Variants in TRAPPC9 observed in about 807,000 individuals in gnomAD.
TRAPPC9 encodes the protein IKK2 binding protein.
Under a neutral mutation model 124.0 loss-of-function variants are expected in TRAPPC9, and 83 were observed. That is an observed-to-expected ratio of 0.67 (90% CI 0.56 to 0.80). TRAPPC9 has a LOEUF of 0.80. Ranked by LOEUF, TRAPPC9 falls within the 30% of genes least tolerant of loss-of-function variation. TRAPPC9 has a pLI of 0.00. For missense variants in TRAPPC9, 1,302 were observed against 1,508.3 expected (o/e 0.86, Z 2.27); for synonymous variants, 638 against 617.5 (o/e 1.03, Z -0.49).
At chr8:139,918,383 C>T (rs1271037050) in intron 19 of TRAPPC9, among the ~76,000 whole-genome samples, 1 of 152,246 alleles carries the variant, frequency 6.6e-6, no homozygotes, top group Non-Finnish European at 1.5e-5. Context: ...CGACCCTGCA[C>T]TGGGAAAGCC....
intron 21 of TRAPPC9, among the ~76,000 whole-genome samples, chr8:139,840,202 CTG>C (rs1417120352): frequency 1.3e-5 from 2 of 152,212 alleles, no homozygotes; most frequent in African/African-American, 4.8e-5. Context: ...TGCTGTGACA[CTG>C]TGGCTGCGGC....
At chr8:140,066,611 T>C (rs1842907036) in intron 17 of TRAPPC9, among the ~76,000 whole-genome samples, 1 of 152,206 alleles carries the variant, frequency 6.6e-6, no homozygotes, top group African/African-American at 2.4e-5. Context: ...AATTTGTAAA[T>C]ACGTCAATGT....
chr8:140,091,113 C>T (rs1230496332), intron 17 of TRAPPC9, among the ~76,000 whole-genome samples: 1 of 152,186 alleles, frequency 6.6e-6, no homozygotes, highest in Non-Finnish European at 1.5e-5. Flanking sequence ...CACATCCCTT[C>T]TTAATGAAAG....
At chr8:140,414,113 T>A (rs2069813480) in intron 5 of TRAPPC9, among the ~76,000 whole-genome samples, 2 of 151,916 alleles carry the variant, frequency 1.3e-5, no homozygotes, top group African/African-American at 2.4e-5. Context: ...AGATACATCA[T>A]CAAAAGAATT....
intron 18 of TRAPPC9, among the ~76,000 whole-genome samples, chr8:140,001,761 A>C (rs147323123): frequency 4.9e-4 from 75 of 152,358 alleles, no homozygotes; most frequent in Middle Eastern, 3.4e-3. Flanking sequence ...CCAAGAAAGC[A>C]CTTATCCACT....
At chr8:139,819,112 G>C (rs1825071275) in intron 21 of TRAPPC9, among the ~76,000 whole-genome samples, 1 of 152,292 alleles carries the variant, frequency 6.6e-6, no homozygotes, top group Non-Finnish European at 1.5e-5. Flanking sequence ...TCTACCTCCT[G>C]TCAGATCAGC....
rs988533499 is a variant in TRAPPC9, at chr8:140,096,571, G to C, written c.2557-72492C>G. ...GAGAAACCAGAATTCTTGAGGAATA[G>C]GTATGAAGTTGAACAGAATGGTAAA... is the stretch of plus-strand genomic sequence containing the variant. On this transcript the variant is annotated intron_variant, in intron 17 of 22. Transcript: ENST00000438773. 6.6e-5 allele frequency: 10 copies of C among 152,318 alleles called. 1 individual carries two copies. In the South Asian group the frequency reaches 1.5e-3, roughly 22 times the overall value. 9.4% of individuals were successfully genotyped at this position (152,318 alleles called of 1,614,324 possible).
At chr8:140,235,004 C>A (rs1329401399) in intron 16 of TRAPPC9, among the ~76,000 whole-genome samples, 1 of 152,108 alleles carries the variant, frequency 6.6e-6, no homozygotes, top group Non-Finnish European at 1.5e-5. Context: ...GAGTTTCACT[C>A]TTGTTGCCCA....
chr8:139,812,628 C>T (rs1824522399), intron 21 of TRAPPC9, among the ~76,000 whole-genome samples: 3 of 152,056 alleles, frequency 2.0e-5, no homozygotes, highest in African/African-American at 4.8e-5. Flanking sequence ...AATAAAAAAC[C>T]TTTACAGAAA....
chr8:140,097,202 C>T lies in TRAPPC9; in HGVS notation c.2557-73123G>A, dbSNP rs564294330. ...AGCAAAGACACCTGCCCTGGTCCTC[C>T]GTGCAGCTGGCACGGAGTCACAGTC... is the stretch of plus-strand genomic sequence containing the variant. On this transcript the variant is annotated intron_variant, in intron 17 of 22. Coordinates refer to ENST00000438773, the MANE Select transcript of TRAPPC9 (RefSeq NM_001160372.4). The surrounding 1 kb of genome is among the most constrained non-coding windows in gnomAD (Gnocchi z 4.2). The T allele has an allele frequency of 2.6e-5, 4 of 152,418 alleles. No individual in the cohort carries two copies. The highest frequency in any genetic ancestry group is 2.0e-4 in the Admixed American group (3 of 15,310). 9.4% of individuals were successfully genotyped at this position (152,418 alleles called of 1,614,324 possible).
At chr8:140,174,405 G>A (rs1257522897) in intron 17 of TRAPPC9, among the ~76,000 whole-genome samples, 1 of 151,958 alleles carries the variant, frequency 6.6e-6, no homozygotes, top group African/African-American at 2.4e-5. Flanking sequence ...AATAAATTGA[G>A]GTATAATTCA....
intron 5 of TRAPPC9, among the ~76,000 whole-genome samples, chr8:140,418,184 C>T (rs139757947): frequency 4.6e-5 from 7 of 152,010 alleles, no homozygotes; most frequent in Non-Finnish European, 8.8e-5. Flanking sequence ...ACATTCTGCA[C>T]GTGTATCCCA....
In TRAPPC9 at chr8:140,421,268, C is replaced by T. The variant is rs552378070; in HGVS notation, c.886+5347G>A. ...AACACACATATATATAAAGTCTACCCCCATGCTGCATATAAATGTTAGCTT... is the reference window on the plus strand; with the variant it reads ...AACACACATATATATAAAGTCTACCTCCATGCTGCATATAAATGTTAGCTT... On this transcript the variant is annotated intron_variant, in intron 5 of 22. Transcript: ENST00000438773. Among the ~76,000 whole-genome samples the T allele has an allele frequency of 5.3e-5, 8 of 152,254 alleles. No individual in the cohort carries two copies. In the South Asian group the frequency reaches 1.7e-3, roughly 32 times the overall value.
intron 19 of TRAPPC9, among the ~76,000 whole-genome samples, chr8:139,971,578 C>A (rs1267751498): frequency 2.0e-5 from 3 of 152,058 alleles, no homozygotes; most frequent in Non-Finnish European, 4.4e-5. Flanking sequence ...GGTGCTCTAT[C>A]CCCTCGAGCC....
At chr8:140,024,414 T>C (rs1163288798) in intron 17 of TRAPPC9, among the ~76,000 whole-genome samples, 2 of 151,806 alleles carry the variant, frequency 1.3e-5, no homozygotes, top group Non-Finnish European at 2.9e-5. Context: ...TTTTTTTTTT[T>C]TGGAGATGGA....
At chr8:140,017,417 G>T (rs1431420701) in intron 18 of TRAPPC9, among the ~76,000 whole-genome samples, 1 of 152,214 alleles carries the variant, frequency 6.6e-6, no homozygotes, top group Non-Finnish European at 1.5e-5. Flanking sequence ...ATGTATGGGT[G>T]AAGGGTTGTT....
chr8:140,328,370 T>C (rs1474688326), intron 9 of TRAPPC9, among the ~76,000 whole-genome samples: 1 of 152,264 alleles, frequency 6.6e-6, no homozygotes, highest in South Asian at 2.1e-4. Flanking sequence ...AATACGTACA[T>C]GATCAATCGT....
intron 9 of TRAPPC9, among the ~76,000 whole-genome samples, chr8:140,336,059 T>C (rs1018809687): frequency 1.3e-5 from 2 of 152,162 alleles, no homozygotes; most frequent in Non-Finnish European, 2.9e-5. Flanking sequence ...TAATTCCTTA[T>C]TTTTAAGAAC....
chr8:140,397,730 C>T lies in TRAPPC9; in HGVS notation c.1024G>A (p.Val342Met). 1.2e-6 allele frequency: 2 copies of T among 1,614,178 alleles called. No homozygotes were observed. The highest frequency in any genetic ancestry group is 1.7e-5 in the Admixed American group (1 of 60,028). The stretch of plus-strand genomic sequence containing the variant: ...TTGATGCACGCTTCCAACTCAATCA[C>T]TCCCGCATTCTTATACTGCAGGGTG... The part of the protein sequence containing the change: ...SYYSKYKNAG[V>M]IELEACIKAV... The change falls in exon 7 of 23, where the codon GTG becomes ATG. Residue 342 changes from valine to methionine, a missense_variant. By Grantham distance (21) the Val-to-Met change is conservative (BLOSUM62 1). This residue lies in a region of TRAPPC9 where 657 missense variants were observed against 811.2 expected (regional missense o/e 0.81). Coordinates refer to ENST00000438773, the MANE Select transcript of TRAPPC9 (RefSeq NM_001160372.4).
Sources: gnomAD v4.1 joint callset for allele counts (sites outside exome capture counted in the v4.1 genomes callset) on GRCh38, gnomAD v4.1.1 for gene constraint, gnomAD v4.1.1 regional missense constraint, Gnocchi (gnomAD v3.1) non-coding constraint, MANE v1.5 for transcripts, NCBI Gene and HGNC (gene_info 2026-07-23, HGNC 2026-07-21) for gene names.